Variants in PDE4B observed in about 807,000 individuals in gnomAD.
PDE4B encodes the protein phosphodiesterase 4B.
A neutral mutation model predicts 82.2 loss-of-function variants in PDE4B; 20 were observed. The observed-to-expected ratio is 0.24, with a 90% CI of 0.17 to 0.35. PDE4B has a LOEUF of 0.35. Ranked by LOEUF, PDE4B falls within the 10% of genes least tolerant of loss-of-function variation. The probability of loss-of-function intolerance (pLI) is 1.00; values close to 1 mark genes in which losing one functional copy is unlikely to be tolerated. For missense variants in PDE4B, 655 were observed against 907.2 expected (o/e 0.72, Z 3.57); for synonymous variants, 320 against 318.9 (o/e 1.00, Z -0.04).
rs1002357768 is a variant in PDE4B at position 66,154,438 on chromosome 1, C to G, written c.282-93022C>G. Among the ~76,000 whole-genome samples, 299 of 152,134 alleles carry G rather than the reference C, an allele frequency of 2.0e-3. 2 individuals carry two copies. The highest frequency in any genetic ancestry group is 1.5e-4 in the Non-Finnish European group (10 of 67,996). On this transcript the variant is annotated intron_variant, in intron 3 of 16. Coordinates refer to ENST00000341517, the MANE Select transcript of PDE4B (RefSeq NM_002600.4). ...GGCTTGATAAAAGAGAATTGAAGGG[C>G]AAAGAGAAGAGAAGAGAGATAGGAA...
chr1:66,309,428 A>G (rs558665561), intron 7 of PDE4B, among the ~76,000 whole-genome samples: 2 of 152,346 alleles, frequency 1.3e-5, no homozygotes, highest in Middle Eastern at 3.4e-3. Context: ...CTGGGCTTCT[A>G]TGTGAATCAG....
intron 3 of PDE4B, among the ~76,000 whole-genome samples, chr1:65,952,998 C>T (rs184821432): frequency 1.2e-4 from 19 of 152,222 alleles, no homozygotes; most frequent in Non-Finnish European, 2.1e-4. Context: ...AGGCCACCTC[C>T]ACCGGGCATG....
chr1:65,959,895 G>T (rs1378275732), intron 3 of PDE4B, among the ~76,000 whole-genome samples: 1 of 152,106 alleles, frequency 6.6e-6, no homozygotes, highest in Non-Finnish European at 1.5e-5. Flanking sequence ...TTTTGGTAGA[G>T]ATGAGGTCTT....
intron 3 of PDE4B, among the ~76,000 whole-genome samples, chr1:66,011,196 G>A (rs1200307172): frequency 7.5e-6 from 1 of 133,938 alleles, no homozygotes; most frequent in Non-Finnish European, 1.6e-5. Flanking sequence ...ATGTTTTTTT[G>A]CTATTACAAA....
At chr1:65,803,281 C>T (rs1645717414) in intron 1 of PDE4B, among the ~76,000 whole-genome samples, 1 of 152,016 alleles carries the variant, frequency 6.6e-6, no homozygotes, top group Non-Finnish European at 1.5e-5. Flanking sequence ...CTGTTCTCAC[C>T]ACACATCAAA....
intron 1 of PDE4B, among the ~76,000 whole-genome samples, chr1:65,905,973 C>A (rs976817425): frequency 6.6e-6 from 1 of 152,092 alleles, no homozygotes; most frequent in African/African-American, 2.4e-5. Context: ...GGCTCTCAAT[C>A]TTTTGTTGAT....
intron 7 of PDE4B, among the ~76,000 whole-genome samples, chr1:66,326,943 A>T (rs1183618661): frequency 6.6e-6 from 1 of 152,202 alleles, no homozygotes; most frequent in Non-Finnish European, 1.5e-5. Flanking sequence ...TACTTTTCCA[A>T]GAGATCAGTG....
At chr1:66,069,508 T>C (rs1258817294) in intron 3 of PDE4B, among the ~76,000 whole-genome samples, 1 of 151,998 alleles carries the variant, frequency 6.6e-6, no homozygotes, top group Non-Finnish European at 1.5e-5. Context: ...CTACAGTTAG[T>C]TTTGCATTAT....
intron 8 of PDE4B, among the ~76,000 whole-genome samples, chr1:66,344,355 G>A (rs770820626): frequency 1.2e-4 from 19 of 152,108 alleles, no homozygotes; most frequent in Non-Finnish European, 2.4e-4. Flanking sequence ...AGAATATCTT[G>A]TAAACATTTG....
intron 1 of PDE4B, among the ~76,000 whole-genome samples, chr1:65,905,556 A>G (rs1248172309): frequency 6.6e-6 from 1 of 152,190 alleles, no homozygotes; most frequent in Non-Finnish European, 1.5e-5. Context: ...TATCCTAAAA[A>G]TTACAGAAAG....
intron 3 of PDE4B, among the ~76,000 whole-genome samples, chr1:66,122,030 C>A (rs1645719159): frequency 6.6e-6 from 1 of 152,024 alleles, no homozygotes. Context: ...TTTCTCCTTT[C>A]TCCCTCACTG....
At chr1:66,172,602 C>T (rs1646858303) in intron 3 of PDE4B, among the ~76,000 whole-genome samples, 2 of 152,196 alleles carry the variant, frequency 1.3e-5, no homozygotes, top group Non-Finnish European at 2.9e-5. Context: ...TCTGCAGCCT[C>T]ATCAGAAGTA....
chr1:66,089,604 T>C (rs186238990), intron 3 of PDE4B, among the ~76,000 whole-genome samples: 3 of 152,172 alleles, frequency 2.0e-5, no homozygotes, highest in South Asian at 2.1e-4. Flanking sequence ...TTTTTTTTCA[T>C]AGGTATCCTA....
intron 1 of PDE4B, among the ~76,000 whole-genome samples, chr1:65,911,672 A>G (rs1349672490): frequency 6.6e-6 from 1 of 152,146 alleles, no homozygotes; most frequent in Non-Finnish European, 1.5e-5. Flanking sequence ...TTTGGTCAGC[A>G]TTAGAGGGGC....
intron 3 of PDE4B, among the ~76,000 whole-genome samples, chr1:66,193,405 G>A (rs1647994801): frequency 6.6e-6 from 1 of 152,078 alleles, no homozygotes; most frequent in Non-Finnish European, 1.5e-5. Context: ...TGATATTGTA[G>A]GTTCACCATA....
At chr1:65,837,469 G>A (rs1037669462) in intron 1 of PDE4B, among the ~76,000 whole-genome samples, 1 of 152,090 alleles carries the variant, frequency 6.6e-6, no homozygotes. Flanking sequence ...TTAGTCAGGT[G>A]TGATGGCCCA....
Position 66,367,748 on chromosome 1 carries a change from C to T in PDE4B, c.1437C>T (p.His479=), listed in dbSNP as rs1269780491. The T allele has an allele frequency of 1.9e-6, 3 of 1,613,558 alleles. No homozygotes were observed. In the Admixed American group the frequency reaches 5.0e-5, roughly 27 times the overall value. The change falls in exon 14 of 17, where the codon CAC becomes CAT. Residue 479 remains histidine (H), a synonymous_variant. Coordinates refer to ENST00000341517, the MANE Select transcript of PDE4B (RefSeq NM_002600.4). ...ATGAATCTGTGTTGGAAAATCATCA[C>T]CTTGCTGTGGGTTTCAAACTGCTGC... ...YNDESVLENH[H]LAVGFKLLQE... is the part of the protein sequence containing the mutation.
At chr1:65,878,924 A>T (rs114257628) in intron 1 of PDE4B, among the ~76,000 whole-genome samples, 2,180 of 152,288 alleles carry the variant, frequency 0.014, 65 homozygotes, top group African/African-American at 0.051. Flanking sequence ...GACAATATGA[A>T]AACTTTTGGA....
At chr1:66,077,302 A>G (rs918170114) in intron 3 of PDE4B, among the ~76,000 whole-genome samples, 1 of 152,208 alleles carries the variant, frequency 6.6e-6, no homozygotes, top group Non-Finnish European at 1.5e-5. Flanking sequence ...TAGCTAATGC[A>G]TTTATGCTAA....
Sources: gnomAD v4.1 joint callset for allele counts (sites outside exome capture counted in the v4.1 genomes callset) on GRCh38, gnomAD v4.1.1 for gene constraint, MANE v1.5 for transcripts, NCBI Gene and HGNC (gene_info 2026-07-23, HGNC 2026-07-21) for gene names.